Variants in INPP5D observed in about 807,000 individuals in gnomAD.
INPP5D encodes inositol polyphosphate-5-phosphatase D.
In INPP5D, 33 loss-of-function variants were observed where a neutral mutation model predicts 122.9. That is an observed-to-expected ratio of 0.27 (90% CI 0.20 to 0.36). The LOEUF is 0.36. INPP5D is among the 10% of genes least tolerant of loss of function. INPP5D has a pLI of 1.00. For missense variants in INPP5D, 1,053 were observed against 1,412.7 expected (o/e 0.75, Z 4.08); for synonymous variants, 584 against 576.2 (o/e 1.01, Z -0.19).
chr2:233,170,876 A>G lies in INPP5D; in HGVS notation c.1901-188A>G, dbSNP rs993590011. On this transcript the variant is annotated intron_variant, in intron 16 of 26. Coordinates refer to ENST00000445964, the MANE Select transcript of INPP5D (RefSeq NM_001017915.3). The surrounding 1 kb of genome is among the most constrained non-coding windows in gnomAD (Gnocchi z 4.5). ...AGCCAAGATCGCGCCACTGCACTCC[A>G]GCCTGGCCAACAAAGACAGACTCCG... Among the ~76,000 whole-genome samples the G allele has an allele frequency of 6.9e-6, 1 of 144,934 alleles. No homozygotes were observed. Among genetic ancestry groups the G allele is most frequent in the Non-Finnish European group, 1.5e-5 (1 of 66,862 alleles).
At chr2:233,153,179 C>A (rs1693966056) in intron 9 of INPP5D, among the ~76,000 whole-genome samples, 1 of 152,174 alleles carries the variant, frequency 6.6e-6, no homozygotes, top group Admixed American at 6.5e-5. Flanking sequence ...CCTGATCAAA[C>A]AAGATATCAC....
intron 18 of INPP5D, among the ~76,000 whole-genome samples, chr2:233,179,829 T>G (rs901136838): frequency 6.6e-6 from 1 of 152,236 alleles, no homozygotes; most frequent in African/African-American, 2.4e-5. Context: ...AGTCTTCTCA[T>G]GACAATTAAC....
At chr2:233,196,700 G>T (rs1260038212) in intron 24 of INPP5D, among the ~76,000 whole-genome samples, 2 of 152,210 alleles carry the variant, frequency 1.3e-5, no homozygotes, top group African/African-American at 4.8e-5. Flanking sequence ...ACTCACCGAT[G>T]TGGTCTCCGA....
At chr2:233,115,718 C>G (rs1413786994) in intron 2 of INPP5D, among the ~76,000 whole-genome samples, 1 of 152,190 alleles carries the variant, frequency 6.6e-6, no homozygotes, top group Non-Finnish European at 1.5e-5. Flanking sequence ...GTTCCCTCAA[C>G]ACCTTTCTTC....
chr2:233,173,955 A>G (rs1694556774), intron 17 of INPP5D, among the ~76,000 whole-genome samples: 2 of 151,418 alleles, frequency 1.3e-5, no homozygotes, highest in South Asian at 4.1e-4. Context: ...AAAACCATAA[A>G]TGCACACATT....
intron 8 of INPP5D, 101 bp from the exon 9 acceptor site, chr2:233,147,370 C>T (rs1693792601): frequency 1.5e-6 from 1 of 667,438 alleles, no homozygotes; most frequent in Non-Finnish European, 2.8e-6. Flanking sequence ...AGGACGCACA[C>T]CAGAGGTTGC....
At chr2:233,143,162 G>C (rs1276751866) in intron 6 of INPP5D, among the ~76,000 whole-genome samples, 1 of 152,238 alleles carries the variant, frequency 6.6e-6, no homozygotes, top group African/African-American at 2.4e-5. Context: ...ATATATTTCA[G>C]ATGTGCTTGG....
At position 233,078,546 on chromosome 2, in the gene INPP5D, GCTGAGTGATCCCTGCC is replaced by G. The variant is rs1346772672; in HGVS notation, c.135-787_135-772del. ...GCAGGGAGCTCAGCGGGAACGAGGTGCTGAGTGATCCCTGCCCCTGACAGGTGGCCCCTCTGTGGCT... is the reference window on the plus strand; with the variant it reads ...GCAGGGAGCTCAGCGGGAACGAGGTGCCTGACAGGTGGCCCCTCTGTGGCT... On this transcript the variant is annotated intron_variant, in intron 1 of 26. Transcript: ENST00000445964. This position sits in a 1 kb window ranked among gnomAD's most constrained non-coding sequence, Gnocchi z 4.6. 6.6e-6 allele frequency among the ~76,000 whole-genome samples: 1 copy of G among 152,216 alleles called. No homozygotes were observed. The highest frequency in any genetic ancestry group is 1.5e-5 in the Non-Finnish European group (1 of 68,038).
chr2:233,207,621 G>C lies in INPP5D; in HGVS notation c.*913G>C, dbSNP rs570696680. On this transcript the variant is annotated 3_prime_UTR_variant, in exon 27 of 27. Coordinates refer to ENST00000445964, the MANE Select transcript of INPP5D (RefSeq NM_001017915.3). This position sits in a 1 kb window ranked among gnomAD's most constrained non-coding sequence, Gnocchi z 4.6. ...TAGAAGAGTCTTTGCTGTTGCTCCC[G>C]AAAGCCGTGCTCTCCAGCCTGGCTG... 1.3e-5 allele frequency: 2 copies of C among 152,332 alleles called. No homozygotes were observed. Among genetic ancestry groups the C allele is most frequent in the East Asian group, 3.8e-4 (2 of 5,294 alleles). 9.4% of individuals were successfully genotyped at this position (152,332 alleles called of 1,614,324 possible).
At chr2:233,144,347 ATGG>A (rs1405496359) in intron 6 of INPP5D, among the ~76,000 whole-genome samples, 1 of 129,796 alleles carries the variant, frequency 7.7e-6, no homozygotes, top group African/African-American at 2.9e-5. Context: ...AGGGGTGGAG[ATGG>A]TGGTGGTGAT....
chr2:233,139,504 G>C (rs1167016746), intron 5 of INPP5D, among the ~76,000 whole-genome samples: 2 of 143,206 alleles, frequency 1.4e-5, no homozygotes, highest in Non-Finnish European at 3.1e-5. Flanking sequence ...GTGTGTGTGT[G>C]TTTTATAAAC....
rs1274476417 is a variant in INPP5D, at chr2:233,177,081, TGGCA to T, written c.1990-182_1990-179del. Among the ~76,000 whole-genome samples, 5 of 152,096 alleles carry T rather than the reference TGGCA, an allele frequency of 3.3e-5. No homozygotes were observed. The highest frequency in any genetic ancestry group is 7.4e-5 in the Non-Finnish European group (5 of 68,006). On this transcript the variant is annotated intron_variant, in intron 17 of 26. Transcript: ENST00000445964. The surrounding 1 kb of genome is among the most constrained non-coding windows in gnomAD (Gnocchi z 4.2). ...TTATCTTAGTCTAAAGAAGAAGGCG[TGGCA>T]GTGGAGTCTGGACTTGAGCCATGTG...
intron 9 of INPP5D, among the ~76,000 whole-genome samples, chr2:233,149,252 C>T (rs1391031274): frequency 6.6e-6 from 1 of 151,962 alleles, no homozygotes; most frequent in African/African-American, 2.4e-5. Context: ...TACAGGACCA[C>T]CACCACGCCC....
intron 26 of INPP5D, chr2:233,204,961 T>G (rs1288532257): frequency 3.8e-6 from 2 of 528,632 alleles, no homozygotes; most frequent in Non-Finnish European, 6.2e-6. Context: ...CTGCATTGCC[T>G]CTGCAGCAGT....
chr2:233,195,626 C>A, intron 24 of INPP5D, 131 bp downstream of exon 24: 2 of 1,451,398 alleles, frequency 1.4e-6, no homozygotes, highest in Non-Finnish European at 9.3e-7. Flanking sequence ...GCTGGAGGAT[C>A]ATTTGAGCCT....
chr2:233,117,528 G>C (rs557584366), intron 2 of INPP5D, among the ~76,000 whole-genome samples: 1 of 152,150 alleles, frequency 6.6e-6, no homozygotes, highest in Non-Finnish European at 1.5e-5. Flanking sequence ...GTAGCTCCAC[G>C]GGAGGCCACA....
At chr2:233,119,272 G>A (rs948286740) in intron 2 of INPP5D, among the ~76,000 whole-genome samples, 4 of 152,068 alleles carry the variant, frequency 2.6e-5, no homozygotes, top group Non-Finnish European at 4.4e-5. Context: ...AGCTTTCTTT[G>A]GTATTTTCAT....
At chr2:233,075,468 G>T (rs184022611) in intron 1 of INPP5D, among the ~76,000 whole-genome samples, 69 of 152,226 alleles carry the variant, frequency 4.5e-4, no homozygotes, top group Non-Finnish European at 8.1e-4. Context: ...CTATTTAGTT[G>T]TAGAATCTTT....
chr2:233,192,874 C>G (rs368658476), intron 22 of INPP5D, among the ~76,000 whole-genome samples: 1 of 152,252 alleles, frequency 6.6e-6, no homozygotes, highest in Non-Finnish European at 1.5e-5. Flanking sequence ...GACCTCACCA[C>G]GGATAGGCTT....
Sources: allele counts gnomAD v4.1 joint callset (sites outside exome capture counted in the v4.1 genomes callset), GRCh38; gene constraint gnomAD v4.1.1; non-coding constraint Gnocchi (gnomAD v3.1); transcripts MANE v1.5; gene names NCBI Gene and HGNC (gene_info 2026-07-23, HGNC 2026-07-21).